The following AACS variants were observed in gnomAD, a reference collection of about 807,000 sequenced individuals.
AACS encodes the protein acetoacetate-CoA ligase.
Under a neutral mutation model 83.1 loss-of-function variants are expected in AACS, and 69 were observed. The ratio of observed to expected loss-of-function variants is 0.83; its 90% CI spans 0.68 to 1.01. The LOEUF is 1.01. Among genes scored for constraint, AACS ranks in the 50% least tolerant of loss-of-function variants. The probability of loss-of-function intolerance (pLI) is 0.00; values close to 1 mark genes in which losing one functional copy is unlikely to be tolerated. For missense variants in AACS, 866 were observed against 882.2 expected (o/e 0.98, Z 0.23); for synonymous variants, 333 against 343.4 (o/e 0.97, Z 0.33).
Position 125,107,178 on chromosome 12 carries a change from G to A in AACS, c.825G>A (p.Glu275=), listed in dbSNP as rs77154370. 6.8e-6 allele frequency: 11 copies of A among 1,614,044 alleles called. No individual in the cohort carries two copies. The highest frequency in any genetic ancestry group is 9.3e-6 in the Non-Finnish European group (11 of 1,180,044). The part of the protein sequence containing the change: ...TGTSEQAPQL[E]FEQLPFSHPL... Reference sequence around the variant, plus strand: ...CCAGTGAGCAGGCCCCGCAGCTGGAGTTCGAGCAGCTGCCCTTCAGCCACC... The same window carrying A: ...CCAGTGAGCAGGCCCCGCAGCTGGAATTCGAGCAGCTGCCCTTCAGCCACC... Residue 275 remains glutamate, a synonymous_variant, in exon 8 of 18, where the codon GAG becomes GAA. Transcript: ENST00000316519.
chr12:125,091,460 G>T lies in AACS; in HGVS notation c.507G>T (p.Ala169=). 1 of 1,614,238 alleles carries T rather than the reference G, an allele frequency of 6.2e-7. No homozygotes were observed. The highest frequency in any genetic ancestry group is 2.2e-5 in the East Asian group (1 of 44,884). Residue 169 remains alanine (A), a synonymous_variant, in exon 5 of 18, where the codon GCG becomes GCT. Coordinates refer to ENST00000316519, the MANE Select transcript of AACS (RefSeq NM_023928.5). ...YLPNSEHAVE[A]MLAAASIGAI... The stretch of plus-strand genomic sequence containing the variant: ...CCAACAGTGAGCACGCTGTCGAGGC[G>T]ATGCTGGCTGCGGCAAGCATTGGTG...
chr12:125,091,570 A>G, intron 5 of AACS, 47 bp downstream of exon 5: 5 of 1,579,936 alleles, frequency 3.2e-6, no homozygotes, highest in Non-Finnish European at 4.4e-6. Context: ...CCCTGTGAGC[A>G]TCCTGGGCAG....
chr12:125,114,948 C>G (rs1293925569), intron 9 of AACS, among the ~76,000 whole-genome samples: 1 of 152,072 alleles, frequency 6.6e-6, no homozygotes, highest in Non-Finnish European at 1.5e-5. Context: ...GGGCGCCGGC[C>G]TGTGCTGCGC....
In AACS at chr12:125,069,130, C is replaced by T. The variant is rs549685633; in HGVS notation, c.133+3413C>T. 1.7e-3 allele frequency among the ~76,000 whole-genome samples: 256 copies of T among 152,316 alleles called. 1 individual carries two copies. The highest frequency in any genetic ancestry group is 3.4e-3 in the Middle Eastern group (1 of 294). On this transcript the variant is annotated intron_variant, in intron 1 of 17. Transcript: ENST00000316519. ...TGCTGGGATTACAGGCGTGAGCCACCGCGCCCGGCTGTGAGCATTCTTATT... is the reference window on the plus strand; with the variant it reads ...TGCTGGGATTACAGGCGTGAGCCACTGCGCCCGGCTGTGAGCATTCTTATT...
At chr12:125,128,306 A>G (rs1957277873) in intron 13 of AACS, 32 bp downstream of exon 13, 2 of 1,587,444 alleles carry the variant, frequency 1.3e-6, no homozygotes, top group African/African-American at 1.3e-5. Flanking sequence ...TCTTTCTGTG[A>G]TTAGGCGTGA....
chr12:125,065,538 C>A lies in AACS; in HGVS notation c.-47C>A. ...TCCCCGGCCCTCGCCTCAGCCCCGG[C>A]CCCTGGTCCCCAGCCCTCGTCGCAG... is the stretch of plus-strand genomic sequence containing the variant. On this transcript the variant is annotated 5_prime_UTR_variant, in exon 1 of 18. Transcript: ENST00000316519. 6.8e-7 allele frequency: 1 copy of A among 1,460,878 alleles called. No homozygotes were observed. The allele number at this position is 1,460,878 out of a possible 1,614,324, so 90.5% of individuals were successfully genotyped here.
rs139778074 is a variant in AACS at position 125,097,970 on chromosome 12, G to C, written c.571-4709G>C. ...ACTGCCATCTCTCACGCGTGCCGTC[G>C]TAGTAGCTTCCGACCAGTCTCATTT... On this transcript the variant is annotated intron_variant, in intron 5 of 17. Transcript: ENST00000316519. This position sits in a 1 kb window ranked among gnomAD's most constrained non-coding sequence, Gnocchi z 4.3. Among the ~76,000 whole-genome samples the C allele has an allele frequency of 6.6e-6, 1 of 152,202 alleles. No individual in the cohort carries two copies. Among genetic ancestry groups the C allele is most frequent in the East Asian group, 1.9e-4 (1 of 5,202 alleles).
rs943741583 is a variant in AACS, at chr12:125,140,063, C to T, written c.1882-2029C>T. 4 of 152,202 alleles carry T rather than the reference C, an allele frequency of 2.6e-5. No individual in the cohort carries two copies. The highest frequency in any genetic ancestry group is 3.9e-4 in the East Asian group (2 of 5,180). 9.4% of individuals were successfully genotyped at this position (152,202 alleles called of 1,614,324 possible). A position where few individuals can be genotyped will look rare whatever the true frequency, so the allele number is the denominator to read the frequency against. On this transcript the variant is annotated intron_variant, in intron 17 of 17. Transcript: ENST00000316519. This position sits in a 1 kb window ranked among gnomAD's most constrained non-coding sequence, Gnocchi z 5.1. ...GCCTTCTGCTCACCCAGAATAAAGA[C>T]CTGGGGACCCCGCGAGGGTCATGGC... is the stretch of plus-strand genomic sequence containing the variant.
chr12:125,076,985 G>A (rs1341348218), intron 3 of AACS, among the ~76,000 whole-genome samples: 3 of 151,974 alleles, frequency 2.0e-5, no homozygotes, highest in African/African-American at 7.3e-5. Context: ...ATGGCTCACT[G>A]CAGCCTCAAT....
In AACS at chr12:125,113,132, A is replaced by G. The variant is rs1176419118; in HGVS notation, c.916-1345A>G. On this transcript the variant is annotated intron_variant, in intron 8 of 17. Coordinates refer to ENST00000316519, the MANE Select transcript of AACS (RefSeq NM_023928.5). The surrounding 1 kb of genome is among the most constrained non-coding windows in gnomAD (Gnocchi z 4.8). ...TTGCCTGTTTGGGATGGACTCCGGA[A>G]TAGGAGTTTTGGCTCCTGAATGGGA... Among the ~76,000 whole-genome samples the G allele has an allele frequency of 1.3e-5, 2 of 152,166 alleles. No individual in the cohort carries two copies. The highest frequency in any genetic ancestry group is 4.8e-5 in the African/African-American group (2 of 41,440).
At chr12:125,099,735 G>A (rs775613576) in intron 5 of AACS, among the ~76,000 whole-genome samples, 9 of 152,150 alleles carry the variant, frequency 5.9e-5, no homozygotes, top group African/African-American at 1.2e-4. Context: ...CACCGAGGCC[G>A]CATGATCTCA....
At position 125,142,252 on chromosome 12, in the gene AACS, TCAGCCGCA is replaced by T; in HGVS notation, c.*25_*32del. On this transcript the variant is annotated 3_prime_UTR_variant, in exon 18 of 18. Transcript: ENST00000316519. ...TGAGTCAGACTGGCTGGCGTGTCAC[TCAGCCGCA>T]CCCGTGTGCACTGTAACTTTTGTGT... 1 of 1,612,732 alleles carries T rather than the reference TCAGCCGCA, an allele frequency of 6.2e-7. No individual in the cohort carries two copies.
At chr12:125,091,628 C>A in intron 5 of AACS, 105 bp downstream of exon 5, 1 of 1,186,014 alleles carries the variant, frequency 8.4e-7, no homozygotes, top group Non-Finnish European at 1.2e-6. Context: ...CAGCGTGAGC[C>A]CAGCGGGAGG....
chr12:125,087,414 C>T (rs1956364493), intron 4 of AACS, among the ~76,000 whole-genome samples: 1 of 152,222 alleles, frequency 6.6e-6, no homozygotes, highest in Non-Finnish European at 1.5e-5. Flanking sequence ...GTGCATGGAC[C>T]TGTTCTTTAC....
intron 3 of AACS, among the ~76,000 whole-genome samples, chr12:125,080,036 A>C (rs775932579): frequency 2.9e-4 from 44 of 152,280 alleles, no homozygotes; most frequent in Non-Finnish European, 4.0e-4. Context: ...TCAGTACTTC[A>C]TTCCTTTTAT....
At chr12:125,112,828 G>C (rs1956982489) in intron 8 of AACS, among the ~76,000 whole-genome samples, 1 of 152,310 alleles carries the variant, frequency 6.6e-6, no homozygotes, top group South Asian at 2.1e-4. Context: ...AGCAGGCAAA[G>C]AGAGAGAATG....
chr12:125,076,896 T>A (rs1428805569), intron 3 of AACS, among the ~76,000 whole-genome samples: 1 of 152,100 alleles, frequency 6.6e-6, no homozygotes, highest in African/African-American at 2.4e-5. Context: ...CATTGGCTTT[T>A]CCTTTTAAAA....
intron 6 of AACS, 47 bp from the exon 7 acceptor site, chr12:125,102,953 G>A (rs1381019776): frequency 1.3e-6 from 2 of 1,536,638 alleles, no homozygotes; most frequent in Non-Finnish European, 1.8e-6. Context: ...AAGCAGCCAA[G>A]CATCTTTGTC....
chr12:125,115,712 G>A (rs917621881), intron 9 of AACS, among the ~76,000 whole-genome samples: 1 of 151,958 alleles, frequency 6.6e-6, no homozygotes, highest in Non-Finnish European at 1.5e-5. Flanking sequence ...ACAGGTGCAG[G>A]AGAGTATCAG....
Sources: gnomAD v4.1 joint callset for allele counts (sites outside exome capture counted in the v4.1 genomes callset) on GRCh38, gnomAD v4.1.1 for gene constraint, Gnocchi (gnomAD v3.1) non-coding constraint, MANE v1.5 for transcripts, NCBI Gene and HGNC (gene_info 2026-07-23, HGNC 2026-07-21) for gene names.